The following SLC5A8 variants were observed in gnomAD, a reference collection of about 807,000 sequenced individuals.
The protein encoded by SLC5A8 is sodium-coupled monocarboxylate transporter 1.
Under a neutral mutation model 71.9 loss-of-function variants are expected in SLC5A8, and 55 were observed. That is an observed-to-expected ratio of 0.77 (90% CI 0.62 to 0.96). The LOEUF (loss-of-function observed/expected upper bound fraction) is 0.96, where lower values mean the gene tolerates loss of function less well. SLC5A8 is among the 40% of genes least tolerant of loss of function. The pLI is 0.00. For synonymous variants in SLC5A8, 307 were observed against 276.1 expected (o/e 1.11, Z -1.11); for missense variants, 701 against 745.3 (o/e 0.94, Z 0.69).
At chr12:101,162,677 G>T (rs2051735019) in intron 12 of SLC5A8, among the ~76,000 whole-genome samples, 1 of 152,166 alleles carries the variant, frequency 6.6e-6, no homozygotes, top group Non-Finnish European at 1.5e-5. Flanking sequence ...TCACTTATAA[G>T]TAGGAGCTAA....
At chr12:101,208,013 T>C (rs532007533) in intron 1 of SLC5A8, among the ~76,000 whole-genome samples, 6 of 152,094 alleles carry the variant, frequency 3.9e-5, no homozygotes, top group African/African-American at 1.2e-4. Flanking sequence ...ACAGGGAGCA[T>C]GGGCCCAGTG....
At chr12:101,197,045 A>G (rs566063459) in intron 3 of SLC5A8, among the ~76,000 whole-genome samples, 1 of 152,346 alleles carries the variant, frequency 6.6e-6, no homozygotes, top group South Asian at 2.1e-4. Flanking sequence ...AATACTAACG[A>G]TAATGCTATG....
intron 10 of SLC5A8, among the ~76,000 whole-genome samples, chr12:101,176,447 A>G (rs1003698899): frequency 1.4e-4 from 22 of 152,080 alleles, no homozygotes; most frequent in Non-Finnish European, 2.2e-4. Flanking sequence ...AATGTAATTG[A>G]TATTTATGGA....
At chr12:101,158,598 C>CTCTCTCTCTCTCTATA (rs1411795424) in intron 13 of SLC5A8, among the ~76,000 whole-genome samples, 4 of 21,232 alleles carry the variant, frequency 1.9e-4, no homozygotes, top group Non-Finnish European at 2.6e-4. Context: ...CTCTCTCTCT[C>CTCTCTCTCTCTCTATA]TATATATATA....
chr12:101,184,220 G>A lies in SLC5A8; in HGVS notation c.966C>T (p.Leu322=), dbSNP rs1868509770. 2 of 1,613,126 alleles carry A rather than the reference G, an allele frequency of 1.2e-6. No individual in the cohort carries two copies. Among genetic ancestry groups the A allele is most frequent in the South Asian group, 1.1e-5 (1 of 90,676 alleles). ...TAKKVSAPDQ[L]MPYLVLDILQ... ...GAATGTCCAGTACCAAATAAGGCAT[G>A]AGCTGAAAAATTCCAAAATTTATTT... Residue 322 remains leucine (L), a splice_region_variant and synonymous_variant, in exon 8 of 15, where the codon CTC becomes CTT. Coordinates refer to ENST00000536262, the MANE Select transcript of SLC5A8 (RefSeq NM_145913.5).
chr12:101,177,442 T>TACACAC (rs1491440045), intron 10 of SLC5A8, among the ~76,000 whole-genome samples: 2,388 of 133,424 alleles, frequency 0.018, 75 homozygotes, highest in Admixed American at 0.088. Context: ...AAAGGCAGTA[T>TACACAC]ATACACACAC....
chr12:101,189,577 G>A (rs919450855), intron 6 of SLC5A8, among the ~76,000 whole-genome samples: 3 of 152,078 alleles, frequency 2.0e-5, no homozygotes, highest in Non-Finnish European at 2.9e-5. Flanking sequence ...GGAGTGGTGA[G>A]CACTGCAGTG....
intron 10 of SLC5A8, among the ~76,000 whole-genome samples, chr12:101,169,001 C>T (rs1025436062): frequency 2.6e-5 from 4 of 152,074 alleles, no homozygotes; most frequent in African/African-American, 9.7e-5. Context: ...TTCTTGTTGT[C>T]GTTGTTGTTT....
At chr12:101,175,781 T>C (rs1005375026) in intron 10 of SLC5A8, among the ~76,000 whole-genome samples, 17 of 151,970 alleles carry the variant, frequency 1.1e-4, no homozygotes, top group Admixed American at 7.2e-4. Flanking sequence ...CAACTCAGAA[T>C]CATATACCCA....
At chr12:101,162,410 A>G (rs2137122172) in intron 12 of SLC5A8, among the ~76,000 whole-genome samples, 1 of 152,334 alleles carries the variant, frequency 6.6e-6, no homozygotes, top group Non-Finnish European at 1.5e-5. Flanking sequence ...CCAAAGGAAA[A>G]TAAATTGTTC....
At chr12:101,159,839 T>C (rs1165747024) in intron 13 of SLC5A8, among the ~76,000 whole-genome samples, 1 of 152,184 alleles carries the variant, frequency 6.6e-6, no homozygotes, top group African/African-American at 2.4e-5. Flanking sequence ...ACTGGTTAGG[T>C]GTATTCCAGA....
intron 10 of SLC5A8, 49 bp from the exon 11 acceptor site, chr12:101,168,231 C>T: frequency 6.7e-7 from 1 of 1,498,714 alleles, no homozygotes; most frequent in Non-Finnish European, 9.1e-7. Context: ...AATCGAAACT[C>T]AAATATTTCA....
At chr12:101,202,428 TA>T (rs1321405863) in intron 2 of SLC5A8, among the ~76,000 whole-genome samples, 7 of 152,188 alleles carry the variant, frequency 4.6e-5, no homozygotes, top group Admixed American at 3.3e-4. Context: ...AAGTTACAAA[TA>T]TTTTTTTGTG....
At chr12:101,194,001 G>A (rs1869048501) in intron 4 of SLC5A8, among the ~76,000 whole-genome samples, 1 of 152,170 alleles carries the variant, frequency 6.6e-6, no homozygotes, top group Non-Finnish European at 1.5e-5. Flanking sequence ...CCGCCCAGCA[G>A]AGAAAACAGC....
At position 101,168,119 on chromosome 12, in the gene SLC5A8, A is replaced by C; in HGVS notation, c.1297T>G (p.Leu433Val). The change falls in exon 11 of 15, where the codon TTG (leucine) becomes GTG (valine). Residue 433 changes from leucine (L) to valine (V), a missense_variant. By Grantham distance (32) the Leu-to-Val change is conservative (BLOSUM62 1). Transcript: ENST00000536262. ...PLMGLFALGI[L>V]VPFANSIGAL... ...ACAATTGAGTTGGCAAAGGGAACCAAAATGCCCAAAGCGAACAGGCCCATA... is the reference window on the plus strand; with the variant it reads ...ACAATTGAGTTGGCAAAGGGAACCACAATGCCCAAAGCGAACAGGCCCATA... The C allele has an allele frequency of 1.6e-5, 26 of 1,609,674 alleles. No individual in the cohort carries two copies. Among genetic ancestry groups the C allele is most frequent in the Non-Finnish European group, 2.2e-5 (26 of 1,177,844 alleles).
At chr12:101,162,418 T>C (rs182045812) in intron 12 of SLC5A8, among the ~76,000 whole-genome samples, 4 of 152,306 alleles carry the variant, frequency 2.6e-5, no homozygotes, top group Admixed American at 2.6e-4. Flanking sequence ...AAATAAATTG[T>C]TCTACCAAAA....
intron 1 of SLC5A8, among the ~76,000 whole-genome samples, chr12:101,208,144 C>T (rs963040443): frequency 6.6e-6 from 1 of 152,002 alleles, no homozygotes; most frequent in African/African-American, 2.4e-5. Flanking sequence ...TGGGGAATTT[C>T]GCCAGTTTGT....
chr12:101,192,337 C>T (rs975605780), intron 5 of SLC5A8, among the ~76,000 whole-genome samples: 2 of 152,198 alleles, frequency 1.3e-5, no homozygotes, highest in African/African-American at 4.8e-5. Context: ...TGTCCAATTT[C>T]TGAAAAAGCT....
intron 4 of SLC5A8, 75 bp downstream of exon 4, chr12:101,195,020 G>A: frequency 1.4e-6 from 2 of 1,430,482 alleles, no homozygotes; most frequent in Non-Finnish European, 2.0e-6. Context: ...CAAGATTGCG[G>A]TATACAACAA....
Sources: gnomAD v4.1 joint callset for allele counts (sites outside exome capture counted in the v4.1 genomes callset) on GRCh38, gnomAD v4.1.1 for gene constraint, MANE v1.5 for transcripts, NCBI Gene and HGNC (gene_info 2026-07-23, HGNC 2026-07-21) for gene names.